Variants in RALGPS1 observed in about 807,000 individuals in gnomAD.
RALGPS1 encodes the protein Ral GEF with PH domain and SH3 binding motif 1, also known as ras-specific guanine nucleotide-releasing factor RalGPS1.
Under a neutral mutation model 78.8 loss-of-function variants are expected in RALGPS1, and 19 were observed. The observed-to-expected ratio is 0.24, with a 90% CI of 0.17 to 0.35. RALGPS1 has a LOEUF of 0.35. Among genes scored for constraint, RALGPS1 ranks in the 10% least tolerant of loss-of-function variants. The pLI is 1.00. For synonymous variants in RALGPS1, 228 were observed against 256.3 expected, an observed-to-expected ratio of 0.89 and a Z score of 1.06; for missense variants, 454 against 688.3, an observed-to-expected ratio of 0.66 and a Z score of 3.81.
intron 8 of RALGPS1, chr9:127,108,812 G>T: frequency 7.1e-7 from 1 of 1,409,424 alleles, no homozygotes; most frequent in Admixed American, 2.1e-5. Flanking sequence ...AATCAGTGAT[G>T]GTCCCACCAC....
chr9:127,034,215 GT>G (rs1196908044), intron 4 of RALGPS1, among the ~76,000 whole-genome samples: 1 of 152,160 alleles, frequency 6.6e-6, no homozygotes, highest in Non-Finnish European at 1.5e-5. Context: ...GGCCAGAGTT[GT>G]TGAGAAAAGT....
chr9:126,958,233 T>G (rs1216695964), intron 1 of RALGPS1, among the ~76,000 whole-genome samples: 1 of 150,558 alleles, frequency 6.6e-6, no homozygotes, highest in Non-Finnish European at 1.5e-5. Context: ...GTTAAACATG[T>G]AAGTTCAGAT....
intron 1 of RALGPS1, among the ~76,000 whole-genome samples, chr9:126,942,001 C>T (rs2036838670): frequency 6.6e-6 from 1 of 152,222 alleles, no homozygotes; most frequent in South Asian, 2.1e-4. Flanking sequence ...CTCACACCAA[C>T]CCTCTAAGAA....
chr9:127,152,158 C>T (rs2058457444), intron 8 of RALGPS1, among the ~76,000 whole-genome samples: 2 of 152,148 alleles, frequency 1.3e-5, no homozygotes, highest in South Asian at 4.1e-4. Flanking sequence ...GTACTGTATT[C>T]AAAAGAAAAG....
intron 3 of RALGPS1, among the ~76,000 whole-genome samples, chr9:126,969,260 A>G (rs1437621370): frequency 1.3e-5 from 2 of 152,352 alleles, no homozygotes; most frequent in East Asian, 1.9e-4. Flanking sequence ...ACAAGGTCTC[A>G]CTATGTTGCC....
intron 1 of RALGPS1, among the ~76,000 whole-genome samples, chr9:126,960,180 CTCCCTCCCTCCCTTCCT>C (rs1683088849): frequency 2.3e-5 from 2 of 87,844 alleles, no homozygotes; most frequent in Admixed American, 1.1e-4. Context: ...CCCTCCCTCC[CTCCCTCCCTCCCTTCCT>C]TCCCTCCCTC....
chr9:126,918,685 T>C (rs1364719931), intron 1 of RALGPS1, among the ~76,000 whole-genome samples: 2 of 150,992 alleles, frequency 1.3e-5, no homozygotes, highest in Non-Finnish European at 3.0e-5. Flanking sequence ...TTTTTTTTTT[T>C]TTTTGAGACA....
intron 4 of RALGPS1, among the ~76,000 whole-genome samples, chr9:127,007,995 G>A (rs2043999464): frequency 6.6e-6 from 1 of 152,134 alleles, no homozygotes; most frequent in Admixed American, 6.5e-5. Flanking sequence ...ATAATGCAGT[G>A]GACAAGGGTG....
intron 11 of RALGPS1, among the ~76,000 whole-genome samples, chr9:127,191,363 A>G: frequency 6.6e-6 from 1 of 152,030 alleles, no homozygotes; most frequent in East Asian, 1.9e-4. Flanking sequence ...CATTTGTGAC[A>G]TTAATCCACT....
rs184487397 is a variant in RALGPS1, at chr9:126,990,766, A to G, written c.216+13021A>G. On this transcript the variant is annotated intron_variant, in intron 4 of 18. Transcript: ENST00000259351. ...ATTACGACTTTTAAAAGTTTGAATT[A>G]TGAGTTCAAAGTCTGTTTCCCTCCT... is the stretch of plus-strand genomic sequence containing the variant. Among the ~76,000 whole-genome samples, 29 of 152,316 alleles carry G rather than the reference A, an allele frequency of 1.9e-4. No individual in the cohort carries two copies. In the East Asian group the frequency reaches 5.6e-3, roughly 29 times the overall value.
chr9:127,127,090 T>C (rs551779166), intron 8 of RALGPS1, among the ~76,000 whole-genome samples: 2 of 152,330 alleles, frequency 1.3e-5, no homozygotes, highest in African/African-American at 4.8e-5. Flanking sequence ...TTGAAGGGAA[T>C]TGGTGTAGTA....
intron 8 of RALGPS1, chr9:127,107,852 G>A: frequency 4.7e-6 from 7 of 1,480,102 alleles, no homozygotes; most frequent in Non-Finnish European, 4.5e-6. Context: ...TGTGGACACA[G>A]CCAAGGGAAG....
At chr9:127,143,047 TTTG>T (rs1363882563) in intron 8 of RALGPS1, among the ~76,000 whole-genome samples, 7 of 152,248 alleles carry the variant, frequency 4.6e-5, no homozygotes, top group African/African-American at 1.7e-4. Flanking sequence ...TTCTGTATTT[TTTG>T]TTAAGTAGTT....
chr9:127,093,804 CGG>C, intron 8 of RALGPS1: 1 of 1,614,044 alleles, frequency 6.2e-7, no homozygotes, highest in Non-Finnish European at 8.5e-7. Flanking sequence ...GTCCAGCCCC[CGG>C]GGTCGTGTCT....
chr9:126,927,526 A>G (rs2035396947), intron 1 of RALGPS1, among the ~76,000 whole-genome samples: 1 of 152,168 alleles, frequency 6.6e-6, no homozygotes. Context: ...GCCTCCCTTC[A>G]ACATTTGTTT....
At chr9:127,203,694 T>C (rs1187631352) in intron 14 of RALGPS1, among the ~76,000 whole-genome samples, 2 of 152,184 alleles carry the variant, frequency 1.3e-5, no homozygotes, top group African/African-American at 4.8e-5. Flanking sequence ...AAATAAGTCC[T>C]GTCAGGGAAG....
chr9:127,213,198 C>T, intron 17 of RALGPS1, 149 bp downstream of exon 17: 2 of 1,440,138 alleles, frequency 1.4e-6, no homozygotes, highest in Non-Finnish European at 1.8e-6. Context: ...CATGCTAGTC[C>T]ACAAAAGCTG....
intron 4 of RALGPS1, among the ~76,000 whole-genome samples, chr9:127,031,477 T>C (rs1273538284): frequency 6.6e-6 from 1 of 152,236 alleles, no homozygotes; most frequent in African/African-American, 2.4e-5. Flanking sequence ...CTTCATTCAT[T>C]AACAGAGGCT....
intron 1 of RALGPS1, among the ~76,000 whole-genome samples, chr9:126,935,113 G>A (rs936862945): frequency 1.3e-5 from 2 of 152,124 alleles, no homozygotes; most frequent in South Asian, 2.1e-4. Flanking sequence ...TCCCCAGCTC[G>A]CGGGAGCTCT....
Sources: allele counts gnomAD v4.1 joint callset (sites outside exome capture counted in the v4.1 genomes callset), GRCh38; gene constraint gnomAD v4.1.1; transcripts MANE v1.5; gene names NCBI Gene and HGNC (gene_info 2026-07-23, HGNC 2026-07-21).